The following EPHB1 variants were observed in gnomAD, a reference collection of about 807,000 sequenced individuals.
EPHB1 encodes the protein EPH receptor B1.
In EPHB1, 30 loss-of-function variants were observed where a neutral mutation model predicts 94.4. The observed-to-expected ratio is 0.32, with a 90% CI of 0.24 to 0.43. EPHB1 has a LOEUF of 0.43. EPHB1 is among the 20% of genes least tolerant of loss of function. EPHB1 has a pLI of 1.00. For missense variants in EPHB1, 1,055 were observed against 1,308.3 expected (o/e 0.81, Z 2.99); for synonymous variants, 522 against 489.1 (o/e 1.07, Z -0.89).
At chr3:134,868,153 A>C (rs909933385) in intron 1 of EPHB1, among the ~76,000 whole-genome samples, 5 of 152,210 alleles carry the variant, frequency 3.3e-5, no homozygotes, top group African/African-American at 1.2e-4. Flanking sequence ...TATGTATCAG[A>C]TTTTTAAATG....
chr3:134,983,784 C>T (rs1396949983), intron 3 of EPHB1, among the ~76,000 whole-genome samples: 1 of 152,224 alleles, frequency 6.6e-6, no homozygotes, highest in Non-Finnish European at 1.5e-5. Flanking sequence ...TCTCCTTAGA[C>T]CCTTTGCATA....
At chr3:134,870,865 G>A (rs1435809892) in intron 1 of EPHB1, among the ~76,000 whole-genome samples, 1 of 152,214 alleles carries the variant, frequency 6.6e-6, no homozygotes, top group Non-Finnish European at 1.5e-5. Context: ...GGAAATTGAG[G>A]CTCACAGAAG....
At chr3:135,254,127 G>T (rs2107734078) in intron 15 of EPHB1, among the ~76,000 whole-genome samples, 1 of 96,702 alleles carries the variant, frequency 1.0e-5, no homozygotes, top group Admixed American at 1.2e-4. Context: ...AGACAATGGG[G>T]TTTTCTAGAT....
intron 10 of EPHB1, among the ~76,000 whole-genome samples, chr3:135,183,038 C>CTTTTCT (rs1403004752): frequency 6.5e-4 from 43 of 65,684 alleles, no homozygotes; most frequent in Non-Finnish European, 1.1e-3. Context: ...TTCTTTCTTT[C>CTTTTCT]TTTCTTTCTT....
intron 3 of EPHB1, among the ~76,000 whole-genome samples, chr3:134,954,612 C>G (rs1933172851): frequency 6.6e-6 from 1 of 152,208 alleles, no homozygotes; most frequent in South Asian, 2.1e-4. Flanking sequence ...GGGTCAAATG[C>G]TGATGGCTCT....
intron 3 of EPHB1, among the ~76,000 whole-genome samples, chr3:134,991,673 C>T (rs1934806100): frequency 6.6e-6 from 1 of 152,146 alleles, no homozygotes. Flanking sequence ...CTGAGCACCC[C>T]TACTGAGGGC....
chr3:134,851,123 G>C lies in EPHB1; in HGVS notation c.58+55434G>C, dbSNP rs541840088. Among the ~76,000 whole-genome samples, 9 of 152,344 alleles carry C rather than the reference G, an allele frequency of 5.9e-5. No individual in the cohort carries two copies. In the East Asian group the frequency reaches 1.7e-3, roughly 29 times the overall value. On this transcript the variant is annotated intron_variant, in intron 1 of 15. Transcript: ENST00000398015. ...CCTCCAGTGTCTGGCTGGGTCCAGC[G>C]AAGGGAAAGAAAGGCTGGAGTTCTC...
intron 3 of EPHB1, among the ~76,000 whole-genome samples, chr3:134,960,355 C>T (rs1436509059): frequency 6.6e-6 from 1 of 151,856 alleles, no homozygotes; most frequent in African/African-American, 2.4e-5. Context: ...GAGGTGCAAC[C>T]TTGCCTTTCC....
intron 3 of EPHB1, 136 bp downstream of exon 3, chr3:134,952,188 TCC>T: frequency 1.1e-6 from 1 of 899,178 alleles, no homozygotes; most frequent in Admixed American, 2.7e-5. Context: ...GGACTCCCAT[TCC>T]TAGTGCTAGG....
intron 1 of EPHB1, among the ~76,000 whole-genome samples, chr3:134,910,559 A>G (rs1036406796): frequency 1.1e-4 from 17 of 152,160 alleles, no homozygotes; most frequent in Admixed American, 3.3e-4. Flanking sequence ...TTACCAGAGT[A>G]CTCTCCAGAT....
At chr3:135,173,819 G>A (rs758519484) in intron 9 of EPHB1, among the ~76,000 whole-genome samples, 6 of 152,140 alleles carry the variant, frequency 3.9e-5, no homozygotes, top group Admixed American at 1.3e-4. Context: ...TACATCCAAC[G>A]TCTAAAACCA....
At position 135,259,781 on chromosome 3, in the gene EPHB1, G is replaced by T. The variant is rs539875262; in HGVS notation, c.*661G>T. On this transcript the variant is annotated 3_prime_UTR_variant, in exon 16 of 16. Coordinates refer to ENST00000398015, the MANE Select transcript of EPHB1 (RefSeq NM_004441.5). ...CGTTTTTCTTTTGTTTGCATTTTCT[G>T]CAAAAAGGAAAAAGAAACCACAAAT... 2 of 214,598 alleles carry T rather than the reference G, an allele frequency of 9.3e-6. No individual in the cohort carries two copies. Among genetic ancestry groups the T allele is most frequent in the Non-Finnish European group, 1.9e-5 (2 of 106,308 alleles). The allele number at this position is 214,598 out of a possible 1,614,324, so 13.3% of individuals were successfully genotyped here. A position where few individuals can be genotyped will look rare whatever the true frequency, so the allele number is the denominator to read the frequency against.
At chr3:135,062,609 G>A (rs1411823003) in intron 3 of EPHB1, among the ~76,000 whole-genome samples, 1 of 152,128 alleles carries the variant, frequency 6.6e-6, no homozygotes, top group Non-Finnish European at 1.5e-5. Flanking sequence ...TGTATAGATT[G>A]TGAAGACTTT....
intron 2 of EPHB1, among the ~76,000 whole-genome samples, chr3:134,938,461 G>A (rs1210723400): frequency 2.6e-5 from 4 of 152,202 alleles, no homozygotes; most frequent in South Asian, 2.1e-4. Context: ...GCTAACCAGC[G>A]CTCACAGGGC....
intron 3 of EPHB1, among the ~76,000 whole-genome samples, chr3:135,006,412 A>G (rs1031302404): frequency 6.6e-6 from 1 of 152,240 alleles, no homozygotes; most frequent in Non-Finnish European, 1.5e-5. Flanking sequence ...GTGGTGATAT[A>G]ATATTGTGAA....
intron 4 of EPHB1, among the ~76,000 whole-genome samples, chr3:135,131,922 C>CCTTACAGATCTTACA (rs1940432251): frequency 6.6e-6 from 1 of 152,108 alleles, no homozygotes; most frequent in Admixed American, 6.5e-5. Context: ...CAGAGCTATG[C>CCTTACAGATCTTACA]GATCTATAGC....
At chr3:135,207,764 A>G (rs767365898) in intron 12 of EPHB1, among the ~76,000 whole-genome samples, 2 of 152,194 alleles carry the variant, frequency 1.3e-5, no homozygotes, top group Non-Finnish European at 2.9e-5. Context: ...TGTCATCTGT[A>G]GGCTTGGGAG....
chr3:135,192,666 C>G lies in EPHB1; in HGVS notation c.1973C>G (p.Ser658Trp), dbSNP rs201816783. 6.2e-7 allele frequency: 1 copy of G among 1,614,102 alleles called. No homozygotes were observed. Among genetic ancestry groups the G allele is most frequent in the South Asian group, 1.1e-5 (1 of 91,074 alleles). The change falls in exon 11 of 16, where the codon TCG becomes TGG. Residue 658 changes from serine to tryptophan, a missense_variant. Coordinates refer to ENST00000398015, the MANE Select transcript of EPHB1 (RefSeq NM_004441.5). ...ATCAAGACCCTGAAGGCAGGGTACT[C>G]GGAGAAGCAGCGTCGGGACTTTCTG... The part of the protein sequence containing the change: ...VAIKTLKAGY[S>W]EKQRRDFLSE...
chr3:135,113,275 G>A (rs763929093), intron 4 of EPHB1, among the ~76,000 whole-genome samples: 14 of 152,322 alleles, frequency 9.2e-5, no homozygotes, highest in African/African-American at 1.4e-4. Flanking sequence ...AAGGGTCAGC[G>A]TTGCCTGTGT....
Sources: allele counts gnomAD v4.1 joint callset (sites outside exome capture counted in the v4.1 genomes callset), GRCh38; gene constraint gnomAD v4.1.1; transcripts MANE v1.5; gene names NCBI Gene and HGNC (gene_info 2026-07-23, HGNC 2026-07-21).